Variants in WWOX observed in about 807,000 individuals in gnomAD.
WWOX encodes WW domain-containing oxidoreductase.
A neutral mutation model predicts 46.2 loss-of-function variants in WWOX; 69 were observed. That is an observed-to-expected ratio of 1.49 (90% CI 1.23 to 1.82). WWOX has a LOEUF of 1.82. WWOX is among the 40% of genes most tolerant of loss of function. The pLI, the probability that WWOX is intolerant of heterozygous loss-of-function variation, is 0.00. For missense variants in WWOX, 919 were observed against 542.6 expected, an observed-to-expected ratio of 1.69 and a Z score of -6.89; for synonymous variants, 359 against 202.6, an observed-to-expected ratio of 1.77 and a Z score of -6.56.
chr16:78,634,896 G>A (rs560828036), intron 8 of WWOX, among the ~76,000 whole-genome samples: 24 of 151,562 alleles, frequency 1.6e-4, no homozygotes, highest in African/African-American at 5.6e-4. Flanking sequence ...GTATACGCTG[G>A]TGTTTAGGTG....
At chr16:78,556,588 G>GT (rs2044302342) in intron 8 of WWOX, among the ~76,000 whole-genome samples, 1 of 152,166 alleles carries the variant, frequency 6.6e-6, no homozygotes, top group Admixed American at 6.5e-5. Context: ...CGTGCGGTGA[G>GT]TTGCCGTGCC....
At chr16:78,355,223 G>A (rs896424663) in intron 5 of WWOX, among the ~76,000 whole-genome samples, 1 of 147,524 alleles carries the variant, frequency 6.8e-6, no homozygotes, top group Non-Finnish European at 1.5e-5. Context: ...TTTTTTCTCT[G>A]AAGTCATTGC....
At chr16:78,819,018 G>A (rs967707192) in intron 8 of WWOX, among the ~76,000 whole-genome samples, 1 of 152,206 alleles carries the variant, frequency 6.6e-6, no homozygotes, top group Non-Finnish European at 1.5e-5. Context: ...ATGGAGGCTT[G>A]TTGAGAAAAT....
intron 5 of WWOX, among the ~76,000 whole-genome samples, chr16:78,226,751 A>C (rs1002741838): frequency 6.6e-6 from 1 of 152,004 alleles, no homozygotes; most frequent in Non-Finnish European, 1.5e-5. Flanking sequence ...GTTCCTGCTG[A>C]TGGGCACACT....
At chr16:79,190,981 A>G (rs1466063310) in intron 8 of WWOX, among the ~76,000 whole-genome samples, 1 of 152,218 alleles carries the variant, frequency 6.6e-6, no homozygotes, top group African/African-American at 2.4e-5. Context: ...AAAATCATGT[A>G]TCAAAGGTGA....
chr16:79,125,030 G>A (rs2049720834), intron 8 of WWOX, among the ~76,000 whole-genome samples: 1 of 146,684 alleles, frequency 6.8e-6, no homozygotes, highest in African/African-American at 2.6e-5. Flanking sequence ...GTCTGACTCT[G>A]AAACCTATTT....
intron 8 of WWOX, among the ~76,000 whole-genome samples, chr16:78,965,868 A>C (rs866346740): frequency 1.3e-5 from 2 of 152,166 alleles, no homozygotes; most frequent in African/African-American, 2.4e-5. Context: ...GATTAACACT[A>C]TTAGATTTTC....
intron 5 of WWOX, among the ~76,000 whole-genome samples, chr16:78,263,727 G>A (rs1178565210): frequency 3.3e-5 from 5 of 152,170 alleles, no homozygotes. Context: ...TGAGAAGAAT[G>A]CCTGAGCCAG....
chr16:78,227,760 C>T (rs1567441424), intron 5 of WWOX, among the ~76,000 whole-genome samples: 2 of 151,944 alleles, frequency 1.3e-5, no homozygotes, highest in Admixed American at 6.6e-5. Context: ...ACCTGTAATC[C>T]CAGCTACTTG....
intron 8 of WWOX, among the ~76,000 whole-genome samples, chr16:78,671,339 C>A (rs1051640240): frequency 6.6e-6 from 1 of 152,152 alleles, no homozygotes; most frequent in Admixed American, 6.5e-5. Flanking sequence ...ATGGAAGCAT[C>A]ATTTGAGCCT....
chr16:78,669,046 C>G (rs891214566), intron 8 of WWOX, among the ~76,000 whole-genome samples: 1 of 152,186 alleles, frequency 6.6e-6, no homozygotes, highest in Non-Finnish European at 1.5e-5. Context: ...ACAGAAGTGA[C>G]CCTCCAGGAA....
At chr16:79,047,075 C>T (rs1388583530) in intron 8 of WWOX, among the ~76,000 whole-genome samples, 1 of 152,190 alleles carries the variant, frequency 6.6e-6, no homozygotes, top group Non-Finnish European at 1.5e-5. Flanking sequence ...ACAAATATTG[C>T]TTCTCCTTTC....
intron 8 of WWOX, among the ~76,000 whole-genome samples, chr16:78,881,425 C>T (rs929705441): frequency 6.6e-6 from 1 of 152,120 alleles, no homozygotes; most frequent in Non-Finnish European, 1.5e-5. Flanking sequence ...CAGGTTTTCT[C>T]CAAAATATAT....
At chr16:78,882,089 A>C (rs2044354399) in intron 8 of WWOX, among the ~76,000 whole-genome samples, 1 of 152,172 alleles carries the variant, frequency 6.6e-6, no homozygotes, top group African/African-American at 2.4e-5. Flanking sequence ...TCACACCACT[A>C]CATTCCAGCC....
At chr16:78,610,747 G>A (rs747735553) in intron 8 of WWOX, among the ~76,000 whole-genome samples, 15 of 152,046 alleles carry the variant, frequency 9.9e-5, no homozygotes, top group Non-Finnish European at 2.1e-4. Context: ...TCAAACCGTC[G>A]GGGCTAATGG....
chr16:78,246,266 A>G (rs1351891920), intron 5 of WWOX, among the ~76,000 whole-genome samples: 1 of 152,204 alleles, frequency 6.6e-6, no homozygotes, highest in Non-Finnish European at 1.5e-5. Context: ...CCGTGAAACC[A>G]AAGAGCTGTG....
At chr16:78,252,182 G>A (rs1490640301) in intron 5 of WWOX, among the ~76,000 whole-genome samples, 1 of 152,152 alleles carries the variant, frequency 6.6e-6, no homozygotes, top group African/African-American at 2.4e-5. Flanking sequence ...AGGGTTTATT[G>A]CACAGTGAGT....
intron 7 of WWOX, among the ~76,000 whole-genome samples, chr16:78,426,474 C>G (rs1027258801): frequency 6.6e-6 from 1 of 152,150 alleles, no homozygotes; most frequent in Admixed American, 6.5e-5. Flanking sequence ...TAATTCATGC[C>G]TACTTCAGAG....
intron 8 of WWOX, among the ~76,000 whole-genome samples, chr16:78,900,766 T>G (rs1287975324): frequency 6.6e-6 from 1 of 152,086 alleles, no homozygotes; most frequent in Admixed American, 6.5e-5. Flanking sequence ...ATATTCATAG[T>G]GGTCATGCTA....
Sources: allele counts gnomAD v4.1 joint callset (sites outside exome capture counted in the v4.1 genomes callset), GRCh38; gene constraint gnomAD v4.1.1; transcripts MANE v1.5; gene names NCBI Gene and HGNC (gene_info 2026-07-23, HGNC 2026-07-21).